Variants in COTL1 observed in about 807,000 individuals in gnomAD.
The protein encoded by COTL1 is coactosin-like protein.
Under a neutral mutation model 16.5 loss-of-function variants are expected in COTL1, and 15 were observed. The ratio of observed to expected loss-of-function variants is 0.91; its 90% CI spans 0.61 to 1.40. The LOEUF (loss-of-function observed/expected upper bound fraction) is 1.40, where lower values mean the gene tolerates loss of function less well. Ranked by LOEUF, COTL1 falls within the 40% of genes most tolerant of loss-of-function variation. The probability of loss-of-function intolerance (pLI) is 0.00; values close to 1 mark genes in which losing one functional copy is unlikely to be tolerated. For missense variants in COTL1, 220 were observed against 201.5 expected, an observed-to-expected ratio of 1.09 and a Z score of -0.56; for synonymous variants, 112 against 85.3, an observed-to-expected ratio of 1.31 and a Z score of -1.73.
rs1904299732 is a variant in COTL1 at position 84,566,671 on chromosome 16, G to A, written c.*174C>T. ...GAGCGTCATGAGATAGGACACGGCA[G>A]GGTTCTAAGGGAAGCGGGAAGGTGG... On this transcript the variant is annotated 3_prime_UTR_variant, in exon 4 of 4. Transcript: ENST00000262428. 1.8e-6 allele frequency: 1 copy of A among 567,056 alleles called. No individual in the cohort carries two copies. Among genetic ancestry groups the A allele is most frequent in the Non-Finnish European group, 3.1e-6 (1 of 317,944 alleles). 35.1% of individuals were successfully genotyped at this position (567,056 alleles called of 1,614,324 possible).
chr16:84,579,332 T>C (rs1014788296), intron 3 of COTL1, among the ~76,000 whole-genome samples: 19 of 152,120 alleles, frequency 1.2e-4, no homozygotes, highest in Non-Finnish European at 2.6e-4. Flanking sequence ...CTATTAAAAA[T>C]ACCAAATTAG....
intron 3 of COTL1, among the ~76,000 whole-genome samples, chr16:84,583,244 G>A (rs555101979): frequency 3.9e-5 from 6 of 152,162 alleles, no homozygotes; most frequent in Non-Finnish European, 8.8e-5. Context: ...CTATAAAACA[G>A]GGCAAGTGGC....
intron 3 of COTL1, among the ~76,000 whole-genome samples, chr16:84,578,688 C>T (rs964365916): frequency 9.9e-5 from 15 of 150,988 alleles, no homozygotes; most frequent in Non-Finnish European, 1.5e-5. Context: ...CACACACACA[C>T]AGGAATGTAC....
At chr16:84,605,026 G>A (rs1299379942) in intron 2 of COTL1, among the ~76,000 whole-genome samples, 2 of 152,262 alleles carry the variant, frequency 1.3e-5, no homozygotes, top group Non-Finnish European at 2.9e-5. Context: ...CTCGGGTTCA[G>A]GAATTAAGGA....
intron 2 of COTL1, among the ~76,000 whole-genome samples, chr16:84,600,191 C>T (rs1054117482): frequency 1.3e-5 from 2 of 152,132 alleles, no homozygotes; most frequent in Non-Finnish European, 2.9e-5. Flanking sequence ...ACCAAAAACA[C>T]CCTCCTGTCC....
intron 2 of COTL1, among the ~76,000 whole-genome samples, chr16:84,591,482 C>A (rs1904861273): frequency 7.1e-6 from 1 of 141,224 alleles, no homozygotes; most frequent in South Asian, 2.2e-4. Flanking sequence ...CCGCGCCCAG[C>A]CTGATTTTTT....
At position 84,605,042 on chromosome 16, in the gene COTL1, G is replaced by T. The variant is rs149605524; in HGVS notation, c.160+12459C>A. On this transcript the variant is annotated intron_variant, in intron 2 of 3. Coordinates refer to ENST00000262428, the MANE Select transcript of COTL1 (RefSeq NM_021149.5). ...TCGGGTTCAGGAATTAAGGAGCATT[G>T]CTCCCCAGACACACGCACAGGCTTT... Among the ~76,000 whole-genome samples the T allele has an allele frequency of 1.1e-3, 169 of 152,330 alleles. 3 individuals are homozygous for T. The East Asian group carries it at 0.017, about 15-fold the overall frequency.
chr16:84,577,795 C>T (rs910317175), intron 3 of COTL1, among the ~76,000 whole-genome samples: 2 of 152,152 alleles, frequency 1.3e-5, no homozygotes, highest in Non-Finnish European at 2.9e-5. Context: ...TAGAAGCACA[C>T]TGTGATGTCC....
Position 84,566,840 on chromosome 16 carries a change from TG to T in COTL1, c.*4del. On this transcript the variant is annotated 3_prime_UTR_variant, in exon 4 of 4. Transcript: ENST00000262428. ...TGGCAAGGGGTGGTGTGGCGGGGGC[TG>T]GGGTTACTCCGTCTGGGCGTCGTAA... 6.3e-7 allele frequency: 1 copy of T among 1,577,004 alleles called. No individual in the cohort carries two copies. Among genetic ancestry groups the T allele is most frequent in the Non-Finnish European group, 8.6e-7 (1 of 1,159,510 alleles).
chr16:84,603,491 C>A (rs1006780480), intron 2 of COTL1, among the ~76,000 whole-genome samples: 1 of 152,148 alleles, frequency 6.6e-6, no homozygotes, highest in African/African-American at 2.4e-5. Context: ...CCCTGGAGGT[C>A]TCCTCATCGG....
intron 2 of COTL1, among the ~76,000 whole-genome samples, chr16:84,614,733 T>A (rs1905427181): frequency 6.6e-6 from 1 of 152,036 alleles, no homozygotes; most frequent in African/African-American, 2.4e-5. Context: ...ACCTTTCTTC[T>A]CAGGCCTGTC....
intron 3 of COTL1, among the ~76,000 whole-genome samples, chr16:84,581,474 C>T (rs1477355284): frequency 6.6e-6 from 1 of 151,890 alleles, no homozygotes; most frequent in African/African-American, 2.4e-5. Context: ...CCGGCTGCCC[C>T]AGTCAGCTCT....
intron 2 of COTL1, among the ~76,000 whole-genome samples, chr16:84,609,239 T>A (rs1375828540): frequency 6.6e-6 from 1 of 152,244 alleles, no homozygotes; most frequent in African/African-American, 2.4e-5. Flanking sequence ...GGACAGCAAG[T>A]GAATTTGACT....
intron 2 of COTL1, among the ~76,000 whole-genome samples, chr16:84,608,362 C>G (rs981028129): frequency 5.9e-5 from 9 of 152,188 alleles, no homozygotes; most frequent in Non-Finnish European, 1.2e-4. Context: ...AGATACACAT[C>G]TATCATCCTT....
rs557238908 is a variant in COTL1 at position 84,566,878 on chromosome 16, C to G, written c.396G>C (p.Ala132=). 7 of 1,613,972 alleles carry G rather than the reference C, an allele frequency of 4.3e-6. No homozygotes were observed. The South Asian group carries it at 5.5e-5, about 13-fold the overall frequency. Reference sequence around the variant, plus strand: ...TCTGGGCGTCGTAATTGGCTCCCCCCGCCTTCTTCAGCTCGCTCTTGATGA... The same window carrying G: ...TCTGGGCGTCGTAATTGGCTCCCCCGGCCTTCTTCAGCTCGCTCTTGATGA... ...EDFIKSELKK[A]GGANYDAQTE is the part of the protein sequence containing the mutation. The change falls in exon 4 of 4, where the codon GCG becomes GCC. Residue 132 remains alanine, a synonymous_variant. Transcript: ENST00000262428.
intron 2 of COTL1, among the ~76,000 whole-genome samples, chr16:84,601,131 A>C (rs1469642174): frequency 6.6e-6 from 1 of 152,184 alleles, no homozygotes; most frequent in African/African-American, 2.4e-5. Flanking sequence ...ATCACTGAAC[A>C]GCCCTGGCAC....
At chr16:84,567,314 C>A (rs554994247) in intron 3 of COTL1, 1 of 194,440 alleles carries the variant, frequency 5.1e-6, no homozygotes, top group South Asian at 9.2e-5. Flanking sequence ...AAAAAACTAT[C>A]TCGTCAGGAA....
intron 2 of COTL1, among the ~76,000 whole-genome samples, chr16:84,609,861 G>A (rs910946339): frequency 2.0e-5 from 3 of 152,142 alleles, no homozygotes; most frequent in African/African-American, 7.2e-5. Context: ...AGTTTCCTGA[G>A]GCCTCCCCAG....
chr16:84,610,125 A>C (rs1375716558), intron 2 of COTL1, among the ~76,000 whole-genome samples: 1 of 152,198 alleles, frequency 6.6e-6, no homozygotes, highest in African/African-American at 2.4e-5. Flanking sequence ...CACAAGGTTA[A>C]ATATGCCCAA....
Sources: allele counts gnomAD v4.1 joint callset (sites outside exome capture counted in the v4.1 genomes callset), GRCh38; gene constraint gnomAD v4.1.1; transcripts MANE v1.5; gene names NCBI Gene and HGNC (gene_info 2026-07-23, HGNC 2026-07-21).